EGFL7: variants seen among roughly 807,000 people sequenced by gnomAD.
EGFL7 encodes the protein epidermal growth factor-like protein 7.
A neutral mutation model predicts 37.1 loss-of-function variants in EGFL7; 48 were observed. The observed-to-expected ratio is 1.29, with a 90% confidence interval of 1.03 to 1.65. The LOEUF (loss-of-function observed/expected upper bound fraction) is 1.65, where lower values mean the gene tolerates loss of function less well. Among genes scored for constraint, EGFL7 ranks in the 40% most tolerant of loss-of-function variants. EGFL7 has a pLI of 0.00. For synonymous variants in EGFL7, 180 were observed against 156.8 expected (o/e 1.15, Z -1.10); for missense variants, 384 against 378.9 (o/e 1.01, Z -0.11).
Position 136,666,210 on chromosome 9 carries a change from G to C in EGFL7, c.-43+1425G>C, listed in dbSNP as rs1031551539. ...CCGGAGCCAGCAGCGCGGCTGGGAG[G>C]GGGCGGCGGGCAGGTCCGTCTCGCT... is the stretch of plus-strand genomic sequence containing the variant. On this transcript the variant is annotated intron_variant, in intron 3 of 10. Coordinates refer to ENST00000308874, the MANE Select transcript of EGFL7 (RefSeq NM_016215.5). This position sits in a 1 kb window ranked among gnomAD's most constrained non-coding sequence, Gnocchi z 6.8. Among the ~76,000 whole-genome samples, 3 of 151,170 alleles carry C rather than the reference G, an allele frequency of 2.0e-5. No homozygotes were observed. Among genetic ancestry groups the C allele is most frequent in the African/African-American group, 7.2e-5 (3 of 41,454 alleles).
upstream of EGFL7, chr9:136,660,347 G>C (rs1343921452): frequency 6.6e-6 from 1 of 152,324 alleles, no homozygotes. Context: ...AGGAGCCCAA[G>C]AGAGTGGAGT....
At chr9:136,664,072 C>G (rs1564271304) in intron 2 of EGFL7, among the ~76,000 whole-genome samples, 1 of 152,004 alleles carries the variant, frequency 6.6e-6, no homozygotes, top group Non-Finnish European at 1.5e-5. Flanking sequence ...CTAGGCCCCA[C>G]TCTGAACACT....
At chr9:136,670,434 C>T (rs374482220) in intron 8 of EGFL7, 104 bp downstream of exon 8, 95 of 1,339,520 alleles carry the variant, frequency 7.1e-5, no homozygotes, top group African/African-American at 6.9e-4. Flanking sequence ...GGGCGGAAGG[C>T]GGTGGGGACT....
At chr9:136,667,146 G>C (rs902420009) in intron 3 of EGFL7, among the ~76,000 whole-genome samples, 4 of 152,214 alleles carry the variant, frequency 2.6e-5, no homozygotes, top group South Asian at 2.1e-4. Flanking sequence ...ACTGAGGACA[G>C]TGTGACTATT....
intron 7 of EGFL7, 77 bp from the exon 8 acceptor site, chr9:136,670,092 G>A (rs1243690160): frequency 1.2e-6 from 2 of 1,606,318 alleles, no homozygotes; most frequent in South Asian, 1.1e-5. Flanking sequence ...TGGCCCATGA[G>A]TGGGTGGTTG....
chr9:136,668,723 GCCACACATC>G (rs1845643897), intron 5 of EGFL7, 50 bp downstream of exon 5: 1 of 1,476,004 alleles, frequency 6.8e-7, no homozygotes, highest in African/African-American at 1.4e-5. Flanking sequence ...TCCCAAGTCG[GCCACACATC>G]AGCATGTCAG....
chr9:136,663,987 T>A (rs770304536), intron 2 of EGFL7, among the ~76,000 whole-genome samples: 3 of 152,188 alleles, frequency 2.0e-5, no homozygotes, highest in Non-Finnish European at 2.9e-5. Flanking sequence ...AAGGGTTAAG[T>A]GACCGCAGAT....
intron 3 of EGFL7, among the ~76,000 whole-genome samples, chr9:136,665,555 G>C (rs1439638979): frequency 1.3e-5 from 2 of 152,158 alleles, no homozygotes; most frequent in Admixed American, 1.3e-4. Context: ...GCGGGGACTC[G>C]GGCCCCAGGA....
chr9:136,670,535 G>A lies in EGFL7; in HGVS notation c.571+205G>A, dbSNP rs1008739231. 8.6e-6 allele frequency: 7 copies of A among 811,164 alleles called. No homozygotes were observed. In the South Asian group the frequency reaches 9.7e-5, roughly 11 times the overall value. The allele number at this position is 811,164 out of a possible 1,614,324, so 50.2% of individuals were successfully genotyped here. ...CCCGGAGCCTCATATCAGCCAAGAA[G>A]GCAGAAGTGCCCCGTCCCGGGGTCC... On this transcript the variant is annotated intron_variant, in intron 8 of 10. Transcript: ENST00000308874.
Position 136,669,903 on chromosome 9 carries a change from C to A in EGFL7, c.314-11C>A. 2 of 1,573,546 alleles carry A rather than the reference C, an allele frequency of 1.3e-6. No homozygotes were observed. The highest frequency in any genetic ancestry group is 8.6e-7 in the Non-Finnish European group (1 of 1,160,550). On this transcript the variant is annotated splice_polypyrimidine_tract_variant and intron_variant, in intron 6 of 10. Transcript: ENST00000308874. Reference sequence around the variant, plus strand: ...CCAACTGAGCTGGTGACCAGCCTCCCCCGCCCACAGCAATATGCCAGCCGC... The same window carrying A: ...CCAACTGAGCTGGTGACCAGCCTCCACCGCCCACAGCAATATGCCAGCCGC...
chr9:136,659,279 C>CCGGGA (rs1189771785), upstream of EGFL7: 1 of 152,270 alleles, frequency 6.6e-6, no homozygotes, highest in Admixed American at 6.5e-5. Flanking sequence ...CCCGTCGGGT[C>CCGGGA]CGGGACGTCC....
rs1268201014 is a variant in EGFL7 at position 136,666,701 on chromosome 9, A to C, written c.-42-1540A>C. Among the ~76,000 whole-genome samples the C allele has an allele frequency of 2.0e-5, 3 of 151,792 alleles. No homozygotes were observed. Among genetic ancestry groups the C allele is most frequent in the Non-Finnish European group, 4.4e-5 (3 of 67,918 alleles). On this transcript the variant is annotated intron_variant, in intron 3 of 10. Transcript: ENST00000308874. This position sits in a 1 kb window ranked among gnomAD's most constrained non-coding sequence, Gnocchi z 6.8. ...CGCCTACCCCCAGGCCCGCCCTGGC[A>C]TCCCCCTGCCCACATCAAGCCGCCG... is the stretch of plus-strand genomic sequence containing the variant.
At chr9:136,670,608 C>T (rs1269364189) in intron 8 of EGFL7, 9 of 774,084 alleles carry the variant, frequency 1.2e-5, no homozygotes, top group African/African-American at 3.4e-5. Flanking sequence ...CCTCCGCTGG[C>T]GACGGGACAT....
At chr9:136,669,446 A>T (rs569966305) in intron 5 of EGFL7, among the ~76,000 whole-genome samples, 160 bp from the exon 6 acceptor site, 170 of 152,318 alleles carry the variant, frequency 1.1e-3, no homozygotes, top group African/African-American at 3.8e-3. Flanking sequence ...CCAGGCAGGG[A>T]AACGGCTGTG....
At chr9:136,672,223 G>C in intron 10 of EGFL7, 41 bp from the exon 11 acceptor site, 1 of 1,613,196 alleles carries the variant, frequency 6.2e-7, no homozygotes, top group Non-Finnish European at 8.5e-7. Flanking sequence ...GGGAGGCTGT[G>C]GGGAGCAGTG....
chr9:136,667,056 G>C (rs994901036), intron 3 of EGFL7, among the ~76,000 whole-genome samples: 1 of 152,312 alleles, frequency 6.6e-6, no homozygotes, highest in East Asian at 1.9e-4. Context: ...TCCCCGCTGG[G>C]ACCGGGTGAT....
At chr9:136,664,216 C>T (rs754338842) in intron 2 of EGFL7, among the ~76,000 whole-genome samples, 6 of 152,196 alleles carry the variant, frequency 3.9e-5, no homozygotes, top group African/African-American at 7.2e-5. Context: ...GTGCCAGGGG[C>T]TTCCAGGGCC....
intron 2 of EGFL7, among the ~76,000 whole-genome samples, 151 bp downstream of exon 2, chr9:136,663,774 C>T (rs9411261): frequency 0.55 from 83,745 of 151,922 alleles, 24,167 homozygotes; most frequent in East Asian, 0.7. Flanking sequence ...TCCCAAAGCC[C>T]CCAAAACCAC....
At position 136,669,731 on chromosome 9, in the gene EGFL7, A is replaced by G; in HGVS notation, c.313+10A>G. On this transcript the variant is annotated intron_variant, in intron 6 of 10. Coordinates refer to ENST00000308874, the MANE Select transcript of EGFL7 (RefSeq NM_016215.5). ...GGGGCCTGTGGAGCAGGTGAGGGCTATGTCCCTCGGCGCCCGGTGTTAGGA... is the reference window on the plus strand; with the variant it reads ...GGGGCCTGTGGAGCAGGTGAGGGCTGTGTCCCTCGGCGCCCGGTGTTAGGA... The G allele has an allele frequency of 1.1e-5, 18 of 1,568,996 alleles. No individual in the cohort carries two copies. The highest frequency in any genetic ancestry group is 1.3e-5 in the African/African-American group (1 of 74,150).
Sources: gnomAD v4.1 joint callset for allele counts (sites outside exome capture counted in the v4.1 genomes callset) on GRCh38, gnomAD v4.1.1 for gene constraint, Gnocchi (gnomAD v3.1) non-coding constraint, MANE v1.5 for transcripts, NCBI Gene and HGNC (gene_info 2026-07-23, HGNC 2026-07-21) for gene names.